GRID1: variants seen among roughly 807,000 people sequenced by gnomAD.
The protein encoded by GRID1 is glutamate receptor ionotropic, delta-1.
GRID1 carries 28 observed loss-of-function variants against 98.0 expected under a neutral mutation model. That is an observed-to-expected ratio of 0.29 (90% CI 0.21 to 0.39). GRID1 has a LOEUF of 0.39. Among genes scored for constraint, GRID1 ranks in the 10% least tolerant of loss-of-function variants. The pLI is 1.00. For missense variants in GRID1, 1,111 were observed against 1,340.5 expected (o/e 0.83, Z 2.67); for synonymous variants, 553 against 538.5 (o/e 1.03, Z -0.37).
intron 4 of GRID1, among the ~76,000 whole-genome samples, chr10:85,927,836 T>C (rs1310404148): frequency 2.0e-5 from 3 of 152,052 alleles, no homozygotes; most frequent in East Asian, 1.9e-4. Context: ...AGCCTGGCCA[T>C]GTGGAGGTGA....
At chr10:85,923,530 C>T (rs1354760272) in intron 4 of GRID1, among the ~76,000 whole-genome samples, 5 of 152,224 alleles carry the variant, frequency 3.3e-5, no homozygotes, top group African/African-American at 1.2e-4. Flanking sequence ...ACACCTCATC[C>T]AGCCCAGACC....
At chr10:86,118,498 T>A (rs550487646) in intron 4 of GRID1, among the ~76,000 whole-genome samples, 196 of 152,122 alleles carry the variant, frequency 1.3e-3, no homozygotes, top group African/African-American at 4.3e-3. Context: ...AACAAAAAAA[T>A]TTTAAAAATT....
chr10:85,989,442 C>A (rs773484118), intron 4 of GRID1, among the ~76,000 whole-genome samples: 2 of 152,176 alleles, frequency 1.3e-5, no homozygotes, highest in Non-Finnish European at 2.9e-5. Flanking sequence ...ATAGAGGTAC[C>A]AGTCCATAGC....
intron 2 of GRID1, among the ~76,000 whole-genome samples, chr10:86,303,861 C>T (rs1847723329): frequency 6.6e-6 from 1 of 152,216 alleles, no homozygotes. Context: ...CTTTTCTGGG[C>T]ACACCCTCTA....
intron 4 of GRID1, among the ~76,000 whole-genome samples, chr10:86,014,070 T>C (rs527536876): frequency 5.3e-5 from 8 of 152,310 alleles, no homozygotes; most frequent in African/African-American, 1.9e-4. Context: ...TCTGACAACT[T>C]TTAATGGGGC....
intron 8 of GRID1, among the ~76,000 whole-genome samples, chr10:85,793,972 T>A (rs561218855): frequency 6.6e-6 from 1 of 152,340 alleles, no homozygotes; most frequent in East Asian, 1.9e-4. Flanking sequence ...ACTTTTAATA[T>A]GCTAATGTGT....
At position 86,139,283 on chromosome 10, in the gene GRID1, G is replaced by A. The variant is rs564261739; in HGVS notation, c.521-259C>T. On this transcript the variant is annotated intron_variant, in intron 3 of 15. Transcript: ENST00000327946. ...CCAACAGGTTCTATGGCCAGAAAGTGCCCTTGATTCATGACAAGCTCTCTT... is the reference window on the plus strand; with the variant it reads ...CCAACAGGTTCTATGGCCAGAAAGTACCCTTGATTCATGACAAGCTCTCTT... 1.0e-3 allele frequency among the ~76,000 whole-genome samples: 155 copies of A among 152,288 alleles called. 1 individual carries two copies. Among genetic ancestry groups the A allele is most frequent in the Non-Finnish European group, 1.8e-3 (124 of 68,028 alleles).
intron 2 of GRID1, among the ~76,000 whole-genome samples, chr10:86,279,342 G>A (rs113608681): frequency 0.013 from 2,027 of 152,230 alleles, 25 homozygotes; most frequent in Non-Finnish European, 0.021. Flanking sequence ...CCTTATAAAC[G>A]AAGATAACCT....
chr10:85,815,344 T>A (rs1456705501), intron 8 of GRID1, among the ~76,000 whole-genome samples: 1 of 152,060 alleles, frequency 6.6e-6, no homozygotes, highest in African/African-American at 2.4e-5. Context: ...GAGGAAGGAA[T>A]GCCTTATTTC....
Position 85,634,281 on chromosome 10 carries a change from TCTCTCTCTCTCA to T in GRID1, c.2193+12909_2193+12920del, listed in dbSNP as rs1212649956. 9.5e-3 allele frequency among the ~76,000 whole-genome samples: 1,382 copies of T among 145,670 alleles called. 17 individuals carry two copies. The highest frequency in any genetic ancestry group is 0.033 in the African/African-American group (1,251 of 37,914). ...CTCTCTCTCTCTCTCTCTCTCTCTC[TCTCTCTCTCTCA>T]CACACACACACACACACACACAGAC... On this transcript the variant is annotated intron_variant, in intron 13 of 15. Transcript: ENST00000327946.
At chr10:86,027,923 T>C (rs1202435367) in intron 4 of GRID1, among the ~76,000 whole-genome samples, 1 of 152,200 alleles carries the variant, frequency 6.6e-6, no homozygotes, top group East Asian at 1.9e-4. Flanking sequence ...GAATAAACAT[T>C]GATGAACACT....
In GRID1 at chr10:86,366,690, G is replaced by T. The variant is rs1400005581; in HGVS notation, c.-298C>A. On this transcript the variant is annotated 5_prime_UTR_variant, in exon 1 of 16. Coordinates refer to ENST00000327946, the MANE Select transcript of GRID1 (RefSeq NM_017551.3). The surrounding 1 kb of genome is among the most constrained non-coding windows in gnomAD (Gnocchi z 4.1). ...CGCGGCTGTGGCAGCGGCGCTTCCC[G>T]CGGCTAGAGCGGCTTCGGGGGAGGC... Among the ~76,000 whole-genome samples, 1 of 149,596 alleles carries T rather than the reference G, an allele frequency of 6.7e-6. No homozygotes were observed. The highest frequency in any genetic ancestry group is 2.1e-4 in the South Asian group (1 of 4,826).
rs541725990 is a variant in GRID1 at position 86,187,891 on chromosome 10, A to G, written c.520+18473T>C. On this transcript the variant is annotated intron_variant, in intron 3 of 15. Transcript: ENST00000327946. ...ACACAACTAGAGATGTCAGAGTCACAGGGACCACCCCCAGCCCTGTCCTAA... is the reference window on the plus strand; with the variant it reads ...ACACAACTAGAGATGTCAGAGTCACGGGGACCACCCCCAGCCCTGTCCTAA... Among the ~76,000 whole-genome samples, 14 of 152,354 alleles carry G rather than the reference A, an allele frequency of 9.2e-5. No homozygotes were observed. In the East Asian group the frequency reaches 1.9e-3, roughly 21 times the overall value.
At chr10:86,317,773 C>G (rs1437554358) in intron 2 of GRID1, among the ~76,000 whole-genome samples, 2 of 152,122 alleles carry the variant, frequency 1.3e-5, no homozygotes, top group East Asian at 3.8e-4. Flanking sequence ...CATGGTCGCA[C>G]TCTGTCATCC....
chr10:85,765,214 C>G (rs113121304), intron 8 of GRID1, among the ~76,000 whole-genome samples: 2,590 of 152,220 alleles, frequency 0.017, 80 homozygotes, highest in Admixed American at 0.074. Context: ...TCAACTAGGA[C>G]ATGGTATTTG....
intron 8 of GRID1, among the ~76,000 whole-genome samples, chr10:85,831,018 A>C (rs1438063376): frequency 6.6e-6 from 1 of 152,228 alleles, no homozygotes; most frequent in Non-Finnish European, 1.5e-5. Context: ...ATGTAGGTTC[A>C]CTGCTGAACT....
At chr10:85,977,612 C>T (rs1395077729) in intron 4 of GRID1, among the ~76,000 whole-genome samples, 1 of 152,172 alleles carries the variant, frequency 6.6e-6, no homozygotes, top group Non-Finnish European at 1.5e-5. Context: ...AGCAAGGCTC[C>T]ATGCACACCT....
intron 2 of GRID1, among the ~76,000 whole-genome samples, chr10:86,266,031 A>G (rs1447583949): frequency 6.6e-6 from 1 of 152,052 alleles, no homozygotes; most frequent in South Asian, 2.1e-4. Flanking sequence ...TCAGAGGCTC[A>G]GGTCTAAACT....
intron 4 of GRID1, among the ~76,000 whole-genome samples, chr10:86,019,455 G>A (rs1268855055): frequency 6.6e-6 from 1 of 152,310 alleles, no homozygotes; most frequent in East Asian, 1.9e-4. Flanking sequence ...TCGGGGCATG[G>A]GGCATTTCCC....
Sources: gnomAD v4.1 joint callset for allele counts (sites outside exome capture counted in the v4.1 genomes callset) on GRCh38, gnomAD v4.1.1 for gene constraint, Gnocchi (gnomAD v3.1) non-coding constraint, MANE v1.5 for transcripts, NCBI Gene and HGNC (gene_info 2026-07-23, HGNC 2026-07-21) for gene names.